The following PRRX1 variants were observed in gnomAD, a reference collection of about 807,000 sequenced individuals.
PRRX1 encodes paired related homeobox 1.
Under a neutral mutation model 24.0 loss-of-function variants are expected in PRRX1, and 8 were observed. That is an observed-to-expected ratio of 0.33 (90% confidence interval 0.20 to 0.60). The LOEUF (loss-of-function observed/expected upper bound fraction) is 0.60, where lower values mean the gene tolerates loss of function less well. Ranked by LOEUF, PRRX1 falls within the 20% of genes least tolerant of loss-of-function variation. The pLI is 0.82. For synonymous variants in PRRX1, 160 were observed against 131.7 expected (o/e 1.22, Z -1.47); for missense variants, 281 against 322.4 (o/e 0.87, Z 0.98).
chr1:170,677,421 T>C (rs1653361243), intron 1 of PRRX1, among the ~76,000 whole-genome samples: 1 of 152,246 alleles, frequency 6.6e-6, no homozygotes, highest in Non-Finnish European at 1.5e-5. Flanking sequence ...GTGCCTTCAG[T>C]GGGAATGGTA....
At chr1:170,703,096 TTATC>T (rs1465976475) in intron 1 of PRRX1, among the ~76,000 whole-genome samples, 28 of 152,360 alleles carry the variant, frequency 1.8e-4, no homozygotes, top group African/African-American at 6.5e-4. Context: ...ATCAAGAAGT[TTATC>T]TGTCTATCTA....
At chr1:170,733,923 A>G (rs992106253) in intron 3 of PRRX1, among the ~76,000 whole-genome samples, 81 of 152,114 alleles carry the variant, frequency 5.3e-4, no homozygotes, top group Non-Finnish European at 1.5e-4. Flanking sequence ...GGTATATTCT[A>G]AAACAAACTT....
intron 1 of PRRX1, among the ~76,000 whole-genome samples, chr1:170,718,885 G>A (rs1324326900): frequency 1.3e-5 from 2 of 152,168 alleles, no homozygotes; most frequent in South Asian, 2.1e-4. Flanking sequence ...ATCTCACCAC[G>A]CTACCTTCAG....
At chr1:170,664,787 G>C (rs955510525) in intron 1 of PRRX1, among the ~76,000 whole-genome samples, 18 of 152,252 alleles carry the variant, frequency 1.2e-4, no homozygotes, top group African/African-American at 2.4e-5. Flanking sequence ...CGCACGCGGG[G>C]CGGCGGGGCT....
chr1:170,721,323 T>G (rs781750600), intron 2 of PRRX1, among the ~76,000 whole-genome samples: 1 of 152,224 alleles, frequency 6.6e-6, no homozygotes, highest in Non-Finnish European at 1.5e-5. Flanking sequence ...CTATGTTCAG[T>G]CTGAGTGTTA....
At chr1:170,735,304 C>T (rs927862094) in intron 3 of PRRX1, among the ~76,000 whole-genome samples, 2 of 152,100 alleles carry the variant, frequency 1.3e-5, no homozygotes, top group African/African-American at 2.4e-5. Flanking sequence ...GAAACAGTTA[C>T]CTCTGAAATC....
chr1:170,730,308 G>A (rs753113301), intron 3 of PRRX1: 6 of 1,612,358 alleles, frequency 3.7e-6, no homozygotes, highest in Admixed American at 3.3e-5. Context: ...TTGTTTACAC[G>A]AGGGGCTTCA....
chr1:170,696,170 G>A (rs183089053), intron 1 of PRRX1, among the ~76,000 whole-genome samples: 41 of 152,004 alleles, frequency 2.7e-4, no homozygotes, highest in African/African-American at 4.8e-4. Context: ...AAAAGTATCC[G>A]GGCCATATGG....
intron 1 of PRRX1, among the ~76,000 whole-genome samples, chr1:170,683,781 T>C (rs2101893340): frequency 6.6e-6 from 1 of 152,326 alleles, no homozygotes; most frequent in African/African-American, 2.4e-5. Flanking sequence ...ATGTGAAGAC[T>C]TGTGTAACTG....
intron 1 of PRRX1, among the ~76,000 whole-genome samples, chr1:170,693,361 C>T (rs983402350): frequency 9.2e-5 from 14 of 152,064 alleles, no homozygotes; most frequent in African/African-American, 1.7e-4. Context: ...CACTGGAATA[C>T]GGGTGTACTT....
chr1:170,666,690 C>T (rs750329682), intron 1 of PRRX1, among the ~76,000 whole-genome samples: 8 of 152,074 alleles, frequency 5.3e-5, no homozygotes, highest in Non-Finnish European at 1.2e-4. Context: ...CCAAGGCCAG[C>T]GGCCTCGGCC....
intron 1 of PRRX1, among the ~76,000 whole-genome samples, chr1:170,710,078 GA>G (rs1385254144): frequency 6.6e-6 from 1 of 152,096 alleles, no homozygotes; most frequent in African/African-American, 2.4e-5. Flanking sequence ...TATCCCTGCA[GA>G]GTGCTGTGGG....
intron 3 of PRRX1, chr1:170,727,696 T>A (rs1016259313): frequency 6.6e-6 from 1 of 152,200 alleles, no homozygotes; most frequent in Non-Finnish European, 1.5e-5. Flanking sequence ...TAATCCCCTG[T>A]TATAAAATTA....
chr1:170,665,837 G>A (rs1271598651), intron 1 of PRRX1, among the ~76,000 whole-genome samples: 1 of 152,208 alleles, frequency 6.6e-6, no homozygotes, highest in Non-Finnish European at 1.5e-5. Context: ...GCCTAGGGCC[G>A]ATCCACCCAA....
chr1:170,682,611 A>AT (rs990055615), intron 1 of PRRX1, among the ~76,000 whole-genome samples: 10 of 149,626 alleles, frequency 6.7e-5, no homozygotes, highest in African/African-American at 1.5e-4. Context: ...TCTCTCACTC[A>AT]TTTTTTTTTC....
chr1:170,691,274 C>G (rs1653936428), intron 1 of PRRX1, among the ~76,000 whole-genome samples: 1 of 151,992 alleles, frequency 6.6e-6, no homozygotes, highest in African/African-American at 2.4e-5. Context: ...TATTAGCCAA[C>G]CAGAGAGTGA....
chr1:170,688,767 CTT>C (rs1243070299), intron 1 of PRRX1, among the ~76,000 whole-genome samples: 1 of 152,016 alleles, frequency 6.6e-6, no homozygotes, highest in African/African-American at 2.4e-5. Context: ...AAGAGTTTGT[CTT>C]TGTTCTGGGA....
At chr1:170,685,392 G>A (rs1052491769) in intron 1 of PRRX1, among the ~76,000 whole-genome samples, 6 of 152,148 alleles carry the variant, frequency 3.9e-5, no homozygotes, top group African/African-American at 9.7e-5. Flanking sequence ...GGAACAACCC[G>A]GCAGTGCTCT....
rs957160916 is a variant in PRRX1, at chr1:170,739,244, A to G, written c.*3058A>G. On this transcript the variant is annotated 3_prime_UTR_variant, in exon 4 of 4. Transcript: ENST00000239461. ...ACTTGGCAGGTTAAATTAAACCAGA[A>G]GAGGTGACTTAATAAAAAAGGGAAT... is the stretch of plus-strand genomic sequence containing the variant. 1.0e-5 allele frequency: 2 copies of G among 196,364 alleles called. No individual in the cohort carries two copies. The highest frequency in any genetic ancestry group is 2.1e-5 in the Non-Finnish European group (2 of 94,350). 12.2% of individuals were successfully genotyped at this position (196,364 alleles called of 1,614,324 possible).
Sources: gnomAD v4.1 joint callset for allele counts (sites outside exome capture counted in the v4.1 genomes callset) on GRCh38, gnomAD v4.1.1 for gene constraint, MANE v1.5 for transcripts, NCBI Gene and HGNC (gene_info 2026-07-23, HGNC 2026-07-21) for gene names.